The following NWD2 variants were observed in gnomAD, a reference collection of about 807,000 sequenced individuals.
NWD2 encodes the protein NACHT and WD repeat domain-containing protein 2.
NWD2 carries 37 observed loss-of-function variants against 132.7 expected under a neutral mutation model. The ratio of observed to expected loss-of-function variants is 0.28; its 90% confidence interval spans 0.21 to 0.37. The LOEUF is 0.37. NWD2 is among the 10% of genes least tolerant of loss of function. NWD2 has a pLI of 1.00. For synonymous variants in NWD2, 705 were observed against 803.0 expected (o/e 0.88, Z 2.06); for missense variants, 1,592 against 2,122.4 (o/e 0.75, Z 4.91).
intron 3 of NWD2, among the ~76,000 whole-genome samples, chr4:37,399,102 G>A (rs187719105): frequency 6.2e-4 from 94 of 152,266 alleles, no homozygotes; most frequent in African/African-American, 1.8e-3. Flanking sequence ...TTTAAATGGC[G>A]GCTTGTGTCT....
chr4:37,359,576 A>G (rs1315874570), intron 3 of NWD2, among the ~76,000 whole-genome samples: 2 of 151,424 alleles, frequency 1.3e-5, no homozygotes, highest in Non-Finnish European at 3.0e-5. Flanking sequence ...AGTCTTTGGC[A>G]AGGAAATTCA....
At chr4:37,301,738 T>C (rs1401740417) in intron 1 of NWD2, among the ~76,000 whole-genome samples, 1 of 152,070 alleles carries the variant, frequency 6.6e-6, no homozygotes, top group Non-Finnish European at 1.5e-5. Flanking sequence ...ACAGATTAAG[T>C]ACTTATTTTA....
intron 5 of NWD2, 31 bp downstream of exon 5, chr4:37,434,051 A>G (rs1245618530): frequency 1.4e-6 from 2 of 1,460,450 alleles, no homozygotes; most frequent in East Asian, 2.5e-5. Flanking sequence ...GTAAAATAAG[A>G]AATATATCAT....
chr4:37,361,636 T>C (rs1380361481), intron 3 of NWD2, among the ~76,000 whole-genome samples: 4 of 151,860 alleles, frequency 2.6e-5, no homozygotes, highest in African/African-American at 7.2e-5. Flanking sequence ...TCCTTCTTGA[T>C]AACCCTCAGT....
chr4:37,278,060 T>A (rs1718059691), intron 1 of NWD2, among the ~76,000 whole-genome samples: 1 of 151,996 alleles, frequency 6.6e-6, no homozygotes, highest in Admixed American at 6.6e-5. Flanking sequence ...AGTTTGGTGG[T>A]GAGAGGTCAT....
intron 3 of NWD2, among the ~76,000 whole-genome samples, chr4:37,405,298 C>T (rs532703659): frequency 6.6e-6 from 1 of 152,188 alleles, no homozygotes; most frequent in South Asian, 2.1e-4. Flanking sequence ...ACTCTAAAAC[C>T]ATGTAAGGGA....
At chr4:37,300,223 T>C (rs982402102) in intron 1 of NWD2, among the ~76,000 whole-genome samples, 2 of 152,162 alleles carry the variant, frequency 1.3e-5, no homozygotes, top group African/African-American at 2.4e-5. Context: ...CTATGCATTA[T>C]TGGAAATAGT....
intron 1 of NWD2, among the ~76,000 whole-genome samples, chr4:37,275,039 T>C (rs548370688): frequency 6.6e-6 from 1 of 152,276 alleles, no homozygotes; most frequent in South Asian, 2.1e-4. Flanking sequence ...ATGCCCTCTC[T>C]CACCACTCCT....
At chr4:37,394,964 C>A (rs1720757296) in intron 3 of NWD2, among the ~76,000 whole-genome samples, 1 of 131,462 alleles carries the variant, frequency 7.6e-6, no homozygotes, top group African/African-American at 2.8e-5. Context: ...AGGTGCACAC[C>A]ACCATGCCCA....
intron 4 of NWD2, among the ~76,000 whole-genome samples, chr4:37,431,147 G>T (rs1712167779): frequency 6.6e-6 from 1 of 152,118 alleles, no homozygotes; most frequent in Non-Finnish European, 1.5e-5. Flanking sequence ...CCACTTCTGG[G>T]TATATATCCA....
chr4:37,284,571 G>A (rs927157341), intron 1 of NWD2, among the ~76,000 whole-genome samples: 2 of 152,146 alleles, frequency 1.3e-5, no homozygotes, highest in African/African-American at 4.8e-5. Context: ...TTCAGCCTAG[G>A]GTGACACCAT....
chr4:37,280,261 T>C (rs990748527), intron 1 of NWD2, among the ~76,000 whole-genome samples: 46 of 152,336 alleles, frequency 3.0e-4, no homozygotes, highest in African/African-American at 1.1e-3. Context: ...AAATGTGAGC[T>C]ATACATATAT....
intron 2 of NWD2, among the ~76,000 whole-genome samples, chr4:37,354,549 G>A (rs1452527352): frequency 2.0e-5 from 3 of 152,202 alleles, no homozygotes; most frequent in African/African-American, 2.4e-5. Flanking sequence ...TGCCCAGAGA[G>A]GAGGAACCTA....
intron 1 of NWD2, among the ~76,000 whole-genome samples, chr4:37,259,030 C>T (rs1014988621): frequency 3.9e-5 from 6 of 152,320 alleles, no homozygotes; most frequent in Non-Finnish European, 7.3e-5. Context: ...TAAATTTTCT[C>T]TCTGCTAGCA....
chr4:37,416,364 T>C (rs114535039), intron 3 of NWD2, among the ~76,000 whole-genome samples: 15 of 152,040 alleles, frequency 9.9e-5, no homozygotes, highest in African/African-American at 2.9e-4. Flanking sequence ...ATAAAATATA[T>C]AAATATACAT....
intron 3 of NWD2, among the ~76,000 whole-genome samples, chr4:37,419,414 C>A (rs1358500875): frequency 6.6e-6 from 1 of 152,168 alleles, no homozygotes; most frequent in Non-Finnish European, 1.5e-5. Context: ...TCTAATTAAA[C>A]TAAAGAGCTT....
intron 3 of NWD2, among the ~76,000 whole-genome samples, chr4:37,410,718 A>G (rs1412209689): frequency 6.6e-6 from 1 of 152,226 alleles, no homozygotes; most frequent in Admixed American, 6.5e-5. Context: ...TATCACACTT[A>G]TTCTAAAACT....
intron 3 of NWD2, among the ~76,000 whole-genome samples, chr4:37,400,369 G>A (rs911401096): frequency 6.6e-6 from 1 of 152,188 alleles, no homozygotes; most frequent in African/African-American, 2.4e-5. Context: ...TTTGCCTGTG[G>A]CTGTTAACCA....
chr4:37,326,691 A>G (rs1020695929), intron 2 of NWD2, among the ~76,000 whole-genome samples: 3 of 152,202 alleles, frequency 2.0e-5, no homozygotes, highest in Non-Finnish European at 4.4e-5. Context: ...CCTGCAACAG[A>G]TAACATTATT....
Sources: allele counts gnomAD v4.1 joint callset (sites outside exome capture counted in the v4.1 genomes callset), GRCh38; gene constraint gnomAD v4.1.1; transcripts MANE v1.5; gene names NCBI Gene and HGNC (gene_info 2026-07-23, HGNC 2026-07-21).